HTR4: variants seen among roughly 807,000 people sequenced by gnomAD.
HTR4 encodes the protein 5-hydroxytryptamine receptor 4, also known as 5-hydroxytryptamine (serotonin) receptor 4, G protein-coupled.
Under a neutral mutation model 36.8 loss-of-function variants are expected in HTR4, and 16 were observed. That is an observed-to-expected ratio of 0.43 (90% CI 0.29 to 0.66). The LOEUF is 0.66. Ranked by LOEUF, HTR4 falls within the 30% of genes least tolerant of loss-of-function variation. The pLI, the probability that HTR4 is intolerant of heterozygous loss-of-function variation, is 0.13. For synonymous variants in HTR4, 189 were observed against 185.1 expected, an observed-to-expected ratio of 1.02 and a Z score of -0.17; for missense variants, 438 against 490.9, an observed-to-expected ratio of 0.89 and a Z score of 1.02.
intron 2 of HTR4, among the ~76,000 whole-genome samples, chr5:148,554,889 G>A (rs2113856836): frequency 6.6e-6 from 1 of 152,224 alleles, no homozygotes; most frequent in South Asian, 2.1e-4. Flanking sequence ...TTGTAAGTAA[G>A]AACATGCTGA....
At chr5:148,455,358 T>C (rs1755075651) in intron 5 of HTR4, among the ~76,000 whole-genome samples, 1 of 152,184 alleles carries the variant, frequency 6.6e-6, no homozygotes, top group South Asian at 2.1e-4. Context: ...GGTATCCTAG[T>C]TGAGAAGGCA....
At chr5:148,545,405 A>C (rs1759337565) in intron 4 of HTR4, among the ~76,000 whole-genome samples, 1 of 152,252 alleles carries the variant, frequency 6.6e-6, no homozygotes, top group African/African-American at 2.4e-5. Flanking sequence ...CAACCTCCCC[A>C]TAACAATGCA....
At chr5:148,452,026 G>A (rs1456451489) in intron 5 of HTR4, among the ~76,000 whole-genome samples, 1 of 152,170 alleles carries the variant, frequency 6.6e-6, no homozygotes, top group Non-Finnish European at 1.5e-5. Flanking sequence ...AGCACTTTCA[G>A]TGAGACAAAC....
chr5:148,607,077 G>A (rs1752201061), intron 2 of HTR4, among the ~76,000 whole-genome samples: 1 of 152,202 alleles, frequency 6.6e-6, no homozygotes, highest in Non-Finnish European at 1.5e-5. Flanking sequence ...GGAAGCACTG[G>A]CTTTGGCATT....
In HTR4 at chr5:148,582,424, T is replaced by C. The variant is rs553237369; in HGVS notation, c.27-32162A>G. On this transcript the variant is annotated intron_variant, in intron 2 of 6. Coordinates refer to ENST00000377888, the MANE Select transcript of HTR4 (RefSeq NM_000870.7). ...TGATATTGAGCATATTACCCAATAG[T>C]TAGTTTTTCAACCTTGTCCTCCTTC... Among the ~76,000 whole-genome samples, 18 of 149,956 alleles carry C rather than the reference T, an allele frequency of 1.2e-4. No homozygotes were observed. In the South Asian group the frequency reaches 2.7e-3, roughly 22 times the overall value.
chr5:148,565,045 G>T (rs1760376786), intron 2 of HTR4, among the ~76,000 whole-genome samples: 1 of 151,114 alleles, frequency 6.6e-6, no homozygotes, highest in African/African-American at 2.4e-5. Flanking sequence ...AGGAGGCAGA[G>T]GTTGCAGTAA....
At chr5:148,642,320 A>T (rs1016233030) in intron 1 of HTR4, among the ~76,000 whole-genome samples, 1 of 152,162 alleles carries the variant, frequency 6.6e-6, no homozygotes, top group African/African-American at 2.4e-5. Context: ...AAGTCTATTC[A>T]CTATTCATGA....
chr5:148,619,115 G>A (rs1752816866), intron 2 of HTR4, among the ~76,000 whole-genome samples: 1 of 152,160 alleles, frequency 6.6e-6, no homozygotes, highest in African/African-American at 2.4e-5. Context: ...AAAGGACCTA[G>A]GAATAAGGAG....
chr5:148,650,978 C>T (rs1160930244), intron 1 of HTR4, among the ~76,000 whole-genome samples: 1 of 152,200 alleles, frequency 6.6e-6, no homozygotes, highest in African/African-American at 2.4e-5. Flanking sequence ...AGCATGAACT[C>T]TGGAATCAGA....
At chr5:148,650,786 C>A (rs375475483) in intron 1 of HTR4, among the ~76,000 whole-genome samples, 1 of 152,132 alleles carries the variant, frequency 6.6e-6, no homozygotes, top group African/African-American at 2.4e-5. Context: ...AGAGAGGGGG[C>A]AAAGTCATAA....
intron 2 of HTR4, among the ~76,000 whole-genome samples, chr5:148,567,157 A>G (rs547669627): frequency 6.6e-6 from 1 of 152,226 alleles, no homozygotes; most frequent in Admixed American, 6.5e-5. Context: ...AAATTTTCTT[A>G]GTTTTTGCCC....
At position 148,542,654 on chromosome 5, in the gene HTR4, G is replaced by A. The variant is rs950632634; in HGVS notation, c.353+6014C>T. ...TGAAATTGACTTTTTTTTTAAAAAG[G>A]GAATTACATTTAATGCTAAGTAAAG... On this transcript the variant is annotated intron_variant, in intron 4 of 6. Coordinates refer to ENST00000377888, the MANE Select transcript of HTR4 (RefSeq NM_000870.7). 2.0e-5 allele frequency among the ~76,000 whole-genome samples: 3 copies of A among 151,970 alleles called. No individual in the cohort carries two copies. The South Asian group carries it at 6.2e-4, about 32-fold the overall frequency.
intron 2 of HTR4, among the ~76,000 whole-genome samples, chr5:148,625,906 G>C (rs983159420): frequency 4.6e-5 from 7 of 151,570 alleles, no homozygotes; most frequent in Non-Finnish European, 1.0e-4. Flanking sequence ...TTTTGAAGTG[G>C]ATCGAACCCT....
intron 5 of HTR4, among the ~76,000 whole-genome samples, chr5:148,466,959 T>G (rs1218983606): frequency 6.6e-6 from 1 of 152,174 alleles, no homozygotes; most frequent in Non-Finnish European, 1.5e-5. Flanking sequence ...ATTTCCAATT[T>G]CATAATTCAT....
At chr5:148,614,397 T>C (rs900761451) in intron 2 of HTR4, among the ~76,000 whole-genome samples, 3 of 152,176 alleles carry the variant, frequency 2.0e-5, no homozygotes, top group Non-Finnish European at 4.4e-5. Context: ...AACTATCTGA[T>C]CTTTGACAAA....
chr5:148,560,204 T>TA (rs1561619834), intron 2 of HTR4, among the ~76,000 whole-genome samples: 11 of 125,034 alleles, frequency 8.8e-5, no homozygotes, highest in African/African-American at 2.4e-4. Context: ...AGCTTTTTTT[T>TA]TAAAAAAAAA....
intron 2 of HTR4, among the ~76,000 whole-genome samples, chr5:148,597,473 C>T (rs1040136044): frequency 2.6e-5 from 4 of 152,154 alleles, no homozygotes; most frequent in Non-Finnish European, 5.9e-5. Context: ...AATGTAGCTA[C>T]CAAAGTCCCT....
At chr5:148,522,838 C>T (rs141045271) in intron 5 of HTR4, among the ~76,000 whole-genome samples, 183 of 152,214 alleles carry the variant, frequency 1.2e-3, no homozygotes, top group Non-Finnish European at 2.2e-3. Context: ...GGTGATCATA[C>T]ATCACCTGGG....
intron 2 of HTR4, among the ~76,000 whole-genome samples, chr5:148,606,343 T>G (rs1581535982): frequency 6.6e-6 from 1 of 151,926 alleles, no homozygotes; most frequent in Admixed American, 6.6e-5. Flanking sequence ...AAATATGAGG[T>G]ATAACAAGAC....
Sources: allele counts gnomAD v4.1 joint callset (sites outside exome capture counted in the v4.1 genomes callset), GRCh38; gene constraint gnomAD v4.1.1; transcripts MANE v1.5; gene names NCBI Gene and HGNC (gene_info 2026-07-23, HGNC 2026-07-21).